Variants in NSUN7 observed in about 807,000 individuals in gnomAD.
NSUN7 encodes the protein protein NSUN7.
NSUN7 carries 39 observed loss-of-function variants against 58.5 expected under a neutral mutation model. That is an observed-to-expected ratio of 0.67 (90% CI 0.52 to 0.87). The LOEUF is 0.87. Among genes scored for constraint, NSUN7 ranks in the 40% least tolerant of loss-of-function variants. NSUN7 has a pLI of 0.00. For synonymous variants in NSUN7, 278 were observed against 303.7 expected (o/e 0.92, Z 0.88); for missense variants, 765 against 844.1 (o/e 0.91, Z 1.16).
Position 40,807,202 on chromosome 4 carries a change from T to C in NSUN7, c.1524+18T>C. The C allele has an allele frequency of 6.5e-7, 1 of 1,542,232 alleles. No homozygotes were observed. The highest frequency in any genetic ancestry group is 8.7e-7 in the Non-Finnish European group (1 of 1,142,978). On this transcript the variant is annotated intron_variant, in intron 11 of 11. Transcript: ENST00000381782. Reference sequence around the variant, plus strand: ...CAAGGGAGGTAAGGAAAAAAAATCCTAATCCATGTCATACTTTGGAATTAA... The same window carrying C: ...CAAGGGAGGTAAGGAAAAAAAATCCCAATCCATGTCATACTTTGGAATTAA...
At chr4:40,794,121 C>T (rs1560561694) in intron 8 of NSUN7, among the ~76,000 whole-genome samples, 1 of 152,098 alleles carries the variant, frequency 6.6e-6, no homozygotes, top group Non-Finnish European at 1.5e-5. Context: ...ATGACTATCT[C>T]ATAGCAACTT....
Position 40,804,395 on chromosome 4 carries a change from C to T in NSUN7, c.1401-2666C>T, listed in dbSNP as rs568871103. ...CGGAGGTTGCAGTGAGCCGAGATCACGCCATTGCACTCCAGCCTGGGTGAC... is the reference window on the plus strand; with the variant it reads ...CGGAGGTTGCAGTGAGCCGAGATCATGCCATTGCACTCCAGCCTGGGTGAC... On this transcript the variant is annotated intron_variant, in intron 10 of 11. Transcript: ENST00000381782. 4.6e-5 allele frequency among the ~76,000 whole-genome samples: 7 copies of T among 150,982 alleles called. No homozygotes were observed. In the South Asian group the frequency reaches 1.0e-3, roughly 23 times the overall value.
At chr4:40,774,214 G>T (rs752655320) in intron 4 of NSUN7, 51 bp from the exon 5 acceptor site, 1 of 1,493,430 alleles carries the variant, frequency 6.7e-7, no homozygotes, top group African/African-American at 1.4e-5. Flanking sequence ...GTGGAAAATT[G>T]ATAGTCTTGT....
At position 40,808,206 on chromosome 4, in the gene NSUN7, TAAAG is replaced by T. The variant is rs557742916; in HGVS notation, c.1525-99_1525-96del. 631 of 1,322,012 alleles carry T rather than the reference TAAAG, an allele frequency of 4.8e-4. 3 individuals are homozygous for T. The South Asian group carries it at 8.5e-3, about 18-fold the overall frequency. The allele number at this position is 1,322,012 out of a possible 1,614,324, so 81.9% of individuals were successfully genotyped here. On this transcript the variant is annotated intron_variant, in intron 11 of 11. Coordinates refer to ENST00000381782, the MANE Select transcript of NSUN7 (RefSeq NM_024677.6). Reference sequence around the variant, plus strand: ...CTATTTCTTATTTCTTTTAGTATAATAAAGAGAGTCTTTTTATTTTTACTGATAC... The same window carrying T: ...CTATTTCTTATTTCTTTTAGTATAATAGAGTCTTTTTATTTTTACTGATAC...
intron 7 of NSUN7, among the ~76,000 whole-genome samples, chr4:40,784,143 T>C (rs940503956): frequency 6.6e-6 from 1 of 152,178 alleles, no homozygotes; most frequent in Non-Finnish European, 1.5e-5. Flanking sequence ...GAAAATAACA[T>C]GTAAGCAACA....
chr4:40,764,176 A>G (rs1282946135), intron 4 of NSUN7, among the ~76,000 whole-genome samples: 2 of 149,964 alleles, frequency 1.3e-5, no homozygotes, highest in African/African-American at 4.9e-5. Flanking sequence ...TGCTGCACCC[A>G]TTAACTCGTC....
chr4:40,780,754 T>TACACACACACACAC (rs796117262), intron 7 of NSUN7, among the ~76,000 whole-genome samples: 8 of 104,248 alleles, frequency 7.7e-5, no homozygotes, highest in East Asian at 5.8e-4. Flanking sequence ...AACATTGAAA[T>TACACACACACACAC]ACACACACAC....
chr4:40,808,571 G>C lies in NSUN7; in HGVS notation c.1789G>C (p.Val597Leu). 1.3e-5 allele frequency: 20 copies of C among 1,551,702 alleles called. No homozygotes were observed. The highest frequency in any genetic ancestry group is 1.6e-5 in the Non-Finnish European group (18 of 1,147,004). Residue 597 changes from valine to leucine, a missense_variant, in exon 12 of 12, where the codon GTG becomes CTG. Physicochemically the swap from Val to Leu is conservative, Grantham distance 32 (BLOSUM62 1). Coordinates refer to ENST00000381782, the MANE Select transcript of NSUN7 (RefSeq NM_024677.6). Reference protein sequence around the residue: ...PPLPQKNTAQVGASSQTRKPN... With the variant: ...PPLPQKNTAQLGASSQTRKPN... ...TCTTCCCCAGAAAAATACTGCTCAAGTGGGGGCTTCCTCACAGACCAGAAA... is the reference window on the plus strand; with the variant it reads ...TCTTCCCCAGAAAAATACTGCTCAACTGGGGGCTTCCTCACAGACCAGAAA...
chr4:40,769,558 A>G (rs1191254126), intron 4 of NSUN7, among the ~76,000 whole-genome samples: 1 of 152,230 alleles, frequency 6.6e-6, no homozygotes, highest in Non-Finnish European at 1.5e-5. Context: ...GTTTTAGAAG[A>G]CTGAAGTGAT....
chr4:40,792,721 C>T (rs1209330687), intron 8 of NSUN7, among the ~76,000 whole-genome samples: 1 of 151,754 alleles, frequency 6.6e-6, no homozygotes, highest in Non-Finnish European at 1.5e-5. Context: ...CACTGCACTC[C>T]AGCCTGGGCG....
chr4:40,785,393 C>G (rs1431319387), intron 7 of NSUN7, among the ~76,000 whole-genome samples: 1 of 151,482 alleles, frequency 6.6e-6, no homozygotes, highest in Non-Finnish European at 1.5e-5. Flanking sequence ...GAGTTTCACT[C>G]TTGTTGCCCA....
chr4:40,758,300 T>G (rs1414140829), intron 2 of NSUN7, among the ~76,000 whole-genome samples: 2 of 152,168 alleles, frequency 1.3e-5, no homozygotes, highest in Non-Finnish European at 2.9e-5. Flanking sequence ...TTTCTAATAC[T>G]GTACTTGTTG....
chr4:40,766,335 A>T (rs1459576638), intron 4 of NSUN7, among the ~76,000 whole-genome samples: 2 of 151,788 alleles, frequency 1.3e-5, no homozygotes, highest in Non-Finnish European at 2.9e-5. Context: ...ATCTATTGAG[A>T]TAATCATGTG....
rs149238464 is a variant in NSUN7 at position 40,761,089 on chromosome 4, TAATGG to T, written c.358-64_358-60del. Reference sequence around the variant, plus strand: ...CGTATTCCTGCTCTGTTATGAAAAATAATGGAATGGAATGGAATGGAAAATATTGC... The same window carrying T: ...CGTATTCCTGCTCTGTTATGAAAAATAATGGAATGGAATGGAAAATATTGC... On this transcript the variant is annotated intron_variant, in intron 3 of 11. Transcript: ENST00000381782. 37 of 1,118,770 alleles carry T rather than the reference TAATGG, an allele frequency of 3.3e-5. No homozygotes were observed. The South Asian group carries it at 4.9e-4, about 15-fold the overall frequency. 69.3% of individuals were successfully genotyped at this position (1,118,770 alleles called of 1,614,324 possible). A position where few individuals can be genotyped will look rare whatever the true frequency, so the allele number is the denominator to read the frequency against.
In NSUN7 at chr4:40,761,211, A is replaced by T. The variant is rs1255618076; in HGVS notation, c.398A>T (p.Asp133Val). 6.3e-7 allele frequency: 1 copy of T among 1,585,198 alleles called. No individual in the cohort carries two copies. Among genetic ancestry groups the T allele is most frequent in the Non-Finnish European group, 8.5e-7 (1 of 1,171,070 alleles). Residue 133 changes from aspartate to valine, a missense_variant, in exon 4 of 12, where the codon GAT (aspartate) becomes GTT (valine). Coordinates refer to ENST00000381782, the MANE Select transcript of NSUN7 (RefSeq NM_024677.6). ...LSSLIIVMLY[D>V]FQDRKFQTRV... Reference sequence around the variant, plus strand: ...AGTCTTATTATTGTGATGCTATATGATTTCCAAGATAGAAAATTTCAAACT... The same window carrying T: ...AGTCTTATTATTGTGATGCTATATGTTTTCCAAGATAGAAAATTTCAAACT...
intron 4 of NSUN7, among the ~76,000 whole-genome samples, chr4:40,761,607 T>C (rs1428933814): frequency 6.6e-6 from 1 of 152,192 alleles, no homozygotes. Context: ...ACTAATTGCT[T>C]AGTTCACTTT....
chr4:40,795,980 T>C (rs1743307982), intron 9 of NSUN7, among the ~76,000 whole-genome samples: 1 of 152,254 alleles, frequency 6.6e-6, no homozygotes, highest in Non-Finnish European at 1.5e-5. Context: ...TTAGCTTCCA[T>C]GCTATCTTTG....
chr4:40,760,467 G>A lies in NSUN7; in HGVS notation c.332G>A (p.Ser111Asn). 1 of 1,609,176 alleles carries A rather than the reference G, an allele frequency of 6.2e-7. No homozygotes were observed. The highest frequency in any genetic ancestry group is 8.5e-7 in the Non-Finnish European group (1 of 1,176,884). Residue 111 changes from serine to asparagine, a missense_variant, in exon 3 of 12, where the codon AGC becomes AAC. By Grantham distance (46) the Ser-to-Asn change is conservative. Transcript: ENST00000381782. ...ATTTTGGAAACTATATTGATAGACA[G>A]CTGTATCTTCCCAAGTACCACAATA... The part of the protein sequence containing the change: ...QDILETILID[S>N]CIFPSTTIPD...
At chr4:40,776,824 C>G (rs1742293757) in intron 7 of NSUN7, among the ~76,000 whole-genome samples, 1 of 152,148 alleles carries the variant, frequency 6.6e-6, no homozygotes, top group African/African-American at 2.4e-5. Flanking sequence ...CAGTGTTGCT[C>G]AAGCTAATCT....
Sources: gnomAD v4.1 joint callset for allele counts (sites outside exome capture counted in the v4.1 genomes callset) on GRCh38, gnomAD v4.1.1 for gene constraint, MANE v1.5 for transcripts, NCBI Gene and HGNC (gene_info 2026-07-23, HGNC 2026-07-21) for gene names.